Variants in KSR2 observed in about 807,000 individuals in gnomAD.
The protein encoded by KSR2 is kinase suppressor of ras 2.
A neutral mutation model predicts 107.8 loss-of-function variants in KSR2; 25 were observed. The observed-to-expected ratio is 0.23, with a 90% CI of 0.17 to 0.32. KSR2 has a LOEUF of 0.32. Ranked by LOEUF, KSR2 falls within the 10% of genes least tolerant of loss-of-function variation. KSR2 has a pLI of 1.00. For synonymous variants in KSR2, 480 were observed against 507.0 expected, an observed-to-expected ratio of 0.95 and a Z score of 0.71; for missense variants, 887 against 1,268.9, an observed-to-expected ratio of 0.70 and a Z score of 4.57.
intron 3 of KSR2, among the ~76,000 whole-genome samples, chr12:117,784,473 T>G (rs1008470062): frequency 6.6e-6 from 1 of 152,214 alleles, no homozygotes; most frequent in Non-Finnish European, 1.5e-5. Flanking sequence ...GTCTCACGTA[T>G]GTCTTTATTA....
chr12:117,596,852 C>T (rs1264209734), intron 5 of KSR2, among the ~76,000 whole-genome samples: 2 of 152,226 alleles, frequency 1.3e-5, no homozygotes, highest in Non-Finnish European at 2.9e-5. Flanking sequence ...AAGCACCATG[C>T]TCACTATAGC....
chr12:117,813,920 T>A (rs1345594077), intron 3 of KSR2, among the ~76,000 whole-genome samples: 1 of 152,180 alleles, frequency 6.6e-6, no homozygotes, highest in Non-Finnish European at 1.5e-5. Flanking sequence ...GGTATATATA[T>A]ACACAACAGA....
chr12:117,684,870 A>C lies in KSR2; in HGVS notation c.987-17212T>G, dbSNP rs1210289035. ...GGCAGTTCTGGCGGATTTCAAAGCT[A>C]GTTCCTCATCACTCTATTAATTCTA... On this transcript the variant is annotated intron_variant, in intron 4 of 19. Transcript: ENST00000339824. 2.6e-5 allele frequency among the ~76,000 whole-genome samples: 4 copies of C among 152,352 alleles called. No homozygotes were observed. In the East Asian group the frequency reaches 7.7e-4, roughly 29 times the overall value.
chr12:117,592,147 T>C (rs1880360022), intron 5 of KSR2, among the ~76,000 whole-genome samples: 1 of 150,124 alleles, frequency 6.7e-6, no homozygotes. Context: ...AGATGGAGTC[T>C]CACTCACCCA....
intron 5 of KSR2, among the ~76,000 whole-genome samples, chr12:117,635,634 T>C (rs1883031839): frequency 6.6e-6 from 1 of 152,202 alleles, no homozygotes; most frequent in Non-Finnish European, 1.5e-5. Context: ...TAAATATTTT[T>C]AATCAAGGTT....
chr12:117,566,273 C>A (rs983083975), intron 7 of KSR2, among the ~76,000 whole-genome samples: 1 of 152,160 alleles, frequency 6.6e-6, no homozygotes, highest in Non-Finnish European at 1.5e-5. Flanking sequence ...GAGTGCGCCA[C>A]CACGCCTGGC....
At chr12:117,686,283 C>G (rs1470391561) in intron 4 of KSR2, among the ~76,000 whole-genome samples, 1 of 128,474 alleles carries the variant, frequency 7.8e-6, no homozygotes, top group South Asian at 2.5e-4. Context: ...CTAGGCTGGT[C>G]TTGAACTCCT....
At chr12:117,581,021 A>T (rs1425425872) in intron 6 of KSR2, among the ~76,000 whole-genome samples, 1 of 152,236 alleles carries the variant, frequency 6.6e-6, no homozygotes, top group African/African-American at 2.4e-5. Context: ...ATACAAAAAA[A>T]GGCCCTTGTC....
chr12:117,666,177 A>G (rs536972374), intron 5 of KSR2, among the ~76,000 whole-genome samples: 1 of 152,172 alleles, frequency 6.6e-6, no homozygotes, highest in African/African-American at 2.4e-5. Flanking sequence ...TCATCAGTCC[A>G]TACCCTCAGC....
intron 4 of KSR2, among the ~76,000 whole-genome samples, chr12:117,730,531 C>T (rs1233367530): frequency 6.6e-6 from 1 of 152,044 alleles, no homozygotes; most frequent in Non-Finnish European, 1.5e-5. Context: ...CCTCATCTCC[C>T]CTTTCCACGG....
intron 5 of KSR2, among the ~76,000 whole-genome samples, chr12:117,606,058 G>T (rs1296349871): frequency 1.3e-5 from 2 of 152,142 alleles, no homozygotes; most frequent in Non-Finnish European, 2.9e-5. Flanking sequence ...TCCCAGGGTG[G>T]TGACCATGGC....
chr12:117,781,445 A>C (rs984284948), intron 3 of KSR2, among the ~76,000 whole-genome samples: 3 of 152,184 alleles, frequency 2.0e-5, no homozygotes, highest in Non-Finnish European at 4.4e-5. Flanking sequence ...GGTAGAGTGC[A>C]GATGATGGGG....
intron 4 of KSR2, among the ~76,000 whole-genome samples, chr12:117,742,738 G>A (rs749090925): frequency 2.0e-5 from 3 of 152,146 alleles, no homozygotes; most frequent in Non-Finnish European, 4.4e-5. Flanking sequence ...GACTTTTCCC[G>A]GCTAAGTATT....
chr12:117,472,106 G>C lies in KSR2; in HGVS notation c.2583-786C>G, dbSNP rs78084422. The stretch of plus-strand genomic sequence containing the variant: ...GTAGTATAATAGGGTAGGTTTCCTG[G>C]GTACGTCACTTCACTTCTCCAAATG... On this transcript the variant is annotated intron_variant, in intron 17 of 19. Coordinates refer to ENST00000339824, the MANE Select transcript of KSR2 (RefSeq NM_173598.6). Among the ~76,000 whole-genome samples, 1,144 of 152,004 alleles carry C rather than the reference G, an allele frequency of 7.5e-3. 24 individuals carry two copies. Among genetic ancestry groups the C allele is most frequent in the African/African-American group, 0.025 (1,023 of 41,422 alleles).
intron 1 of KSR2, among the ~76,000 whole-genome samples, chr12:117,921,383 A>G (rs1295390985): frequency 6.6e-6 from 1 of 152,194 alleles, no homozygotes; most frequent in Non-Finnish European, 1.5e-5. Context: ...CTTTGAAGCC[A>G]CACACAGTGA....
chr12:117,600,804 A>T (rs1437681855), intron 5 of KSR2, among the ~76,000 whole-genome samples: 2 of 152,020 alleles, frequency 1.3e-5, no homozygotes, highest in East Asian at 3.9e-4. Flanking sequence ...AGCTTCTTTC[A>T]TCCCTAGATA....
intron 14 of KSR2, among the ~76,000 whole-genome samples, chr12:117,487,604 C>T (rs1400355198): frequency 6.6e-6 from 1 of 152,140 alleles, no homozygotes; most frequent in East Asian, 1.9e-4. Flanking sequence ...CCCCTGGGTA[C>T]TTAGTTCCTG....
chr12:117,792,493 C>G (rs572820471), intron 3 of KSR2, among the ~76,000 whole-genome samples: 10 of 152,222 alleles, frequency 6.6e-5, no homozygotes, highest in Non-Finnish European at 1.5e-4. Flanking sequence ...GAGCCTCTAT[C>G]TCAGAGGATT....
intron 3 of KSR2, among the ~76,000 whole-genome samples, chr12:117,837,073 T>G (rs1456281702): frequency 1.3e-5 from 2 of 152,186 alleles, no homozygotes; most frequent in African/African-American, 4.8e-5. Context: ...ATGACATGAA[T>G]GCGGAAGGAA....
Sources: gnomAD v4.1 joint callset for allele counts (sites outside exome capture counted in the v4.1 genomes callset) on GRCh38, gnomAD v4.1.1 for gene constraint, MANE v1.5 for transcripts, NCBI Gene and HGNC (gene_info 2026-07-23, HGNC 2026-07-21) for gene names.